Variants in GYS2 observed in about 807,000 individuals in gnomAD.
The protein encoded by GYS2 is glycogen [starch] synthase, liver.
Under a neutral mutation model 85.6 loss-of-function variants are expected in GYS2, and 80 were observed. The ratio of observed to expected loss-of-function variants is 0.93; its 90% CI spans 0.78 to 1.13. The LOEUF (loss-of-function observed/expected upper bound fraction) is 1.13, where lower values mean the gene tolerates loss of function less well. GYS2 is among the 50% of genes most tolerant of loss of function. The pLI is 0.00. For synonymous variants in GYS2, 328 were observed against 300.7 expected (o/e 1.09, Z -0.94); for missense variants, 881 against 854.9 (o/e 1.03, Z -0.38).
chr12:21,560,327 A>T, intron 8 of GYS2, 59 bp downstream of exon 8: 1 of 924,510 alleles, frequency 1.1e-6, no homozygotes. Context: ...GATGTCATTC[A>T]CTTAAAAGAA....
At chr12:21,583,315 A>G (rs564557683) in intron 1 of GYS2, among the ~76,000 whole-genome samples, 12 of 152,284 alleles carry the variant, frequency 7.9e-5, no homozygotes, top group Non-Finnish European at 1.3e-4. Context: ...GTGAAGGATA[A>G]TTTGCTGCAT....
At chr12:21,542,348 C>A (rs1943987715) in intron 13 of GYS2, 148 bp downstream of exon 13, 2 of 663,390 alleles carry the variant, frequency 3.0e-6, no homozygotes, top group Admixed American at 2.1e-5. Context: ...CTGTGCCCAG[C>A]CTAAATTGAC....
At chr12:21,595,086 G>A (rs1218123299) in intron 1 of GYS2, among the ~76,000 whole-genome samples, 2 of 152,148 alleles carry the variant, frequency 1.3e-5, no homozygotes, top group Non-Finnish European at 2.9e-5. Context: ...TGCTGATATG[G>A]TTTGGATGTT....
At chr12:21,553,216 A>G (rs1246720167) in intron 11 of GYS2, among the ~76,000 whole-genome samples, 6 of 152,204 alleles carry the variant, frequency 3.9e-5, no homozygotes, top group Non-Finnish European at 7.3e-5. Flanking sequence ...CGCTTGGCCT[A>G]TGTCTAATTT....
intron 11 of GYS2, among the ~76,000 whole-genome samples, chr12:21,553,576 G>A (rs1399951027): frequency 6.6e-6 from 1 of 152,098 alleles, no homozygotes; most frequent in Non-Finnish European, 1.5e-5. Flanking sequence ...TTTTTGTTTG[G>A]GGAATCCCTA....
chr12:21,543,967 T>C (rs910286216), intron 12 of GYS2, among the ~76,000 whole-genome samples: 6 of 152,202 alleles, frequency 3.9e-5, no homozygotes, highest in African/African-American at 1.2e-4. Flanking sequence ...GTTTATTAAA[T>C]GGCCATCAAT....
intron 1 of GYS2, among the ~76,000 whole-genome samples, chr12:21,594,337 T>G (rs763785287): frequency 2.0e-5 from 3 of 152,142 alleles, no homozygotes; most frequent in Non-Finnish European, 2.9e-5. Flanking sequence ...GATGACATGA[T>G]TTTATACCTA....
intron 1 of GYS2, among the ~76,000 whole-genome samples, chr12:21,595,028 A>C (rs1045361338): frequency 7.9e-5 from 12 of 152,194 alleles, no homozygotes; most frequent in Non-Finnish European, 1.8e-4. Context: ...GGTGCTGAAA[A>C]AATTGGATAT....
intron 11 of GYS2, among the ~76,000 whole-genome samples, chr12:21,550,351 A>ACC (rs1491210657): frequency 4.8e-5 from 5 of 103,170 alleles, no homozygotes; most frequent in East Asian, 3.3e-4. Context: ...ACACACACAC[A>ACC]CCCCTGGTTT....
At chr12:21,535,431 T>C (rs1329852638), downstream of GYS2, among the ~76,000 whole-genome samples, 1 of 152,210 alleles carries the variant, frequency 6.6e-6, no homozygotes, top group Non-Finnish European at 1.5e-5. Context: ...GTACAGAGCA[T>C]TTCAAACTGC....
chr12:21,541,395 A>T (rs1943974974), intron 13 of GYS2, among the ~76,000 whole-genome samples: 1 of 151,538 alleles, frequency 6.6e-6, no homozygotes, highest in East Asian at 2.0e-4. Flanking sequence ...TATGCAAATT[A>T]TTCTGCCATC....
chr12:21,566,864 T>C (rs1944327120), intron 5 of GYS2, among the ~76,000 whole-genome samples: 1 of 152,158 alleles, frequency 6.6e-6, no homozygotes, highest in Non-Finnish European at 1.5e-5. Context: ...CACTACTCTG[T>C]AGCTATATTC....
rs1944420013 is a variant in GYS2 at position 21,574,298 on chromosome 12, A to G, written c.524T>C (p.Val175Ala). The G allele has an allele frequency of 2.5e-6, 4 of 1,613,954 alleles. No homozygotes were observed. The East Asian group carries it at 8.9e-5, about 36-fold the overall frequency. Residue 175 changes from valine to alanine, a missense_variant, in exon 4 of 16, where the codon GTC (valine) becomes GCC (alanine). Coordinates refer to ENST00000261195, the MANE Select transcript of GYS2 (RefSeq NM_021957.4). ...EVTDHADGKY[V>A]VAQFHEWQAG... ...CTGCCATTCATGGAATTGGGCAACG[A>G]CATATTTACCATCTGCATGATCTGT... is the stretch of plus-strand genomic sequence containing the variant.
intron 1 of GYS2, among the ~76,000 whole-genome samples, chr12:21,586,931 C>G (rs187782238): frequency 1.4e-3 from 220 of 152,118 alleles, no homozygotes; most frequent in African/African-American, 5.1e-3. Context: ...TAAATGTCTA[C>G]CAATGGACGA....
intron 10 of GYS2, among the ~76,000 whole-genome samples, chr12:21,558,610 C>T (rs1199395094): frequency 6.6e-6 from 1 of 152,140 alleles, no homozygotes; most frequent in East Asian, 1.9e-4. Flanking sequence ...GTCCTGAAGT[C>T]TTGACTTAAG....
At position 21,559,120 on chromosome 12, in the gene GYS2, T is replaced by G. The variant is rs201855039; in HGVS notation, c.1279A>C (p.Ile427Leu). Residue 427 changes from isoleucine (I) to leucine (L), a missense_variant, in exon 10 of 16, where the codon ATT becomes CTT. Ile to Leu is a conservative substitution (Grantham distance 5). Transcript: ENST00000261195. ...NDILDRDDLT[I>L]MKRAIFSTQR... The stretch of plus-strand genomic sequence containing the variant: ...GTTGAAAAGATGGCTCTTTTCATAA[T>G]TGTTAGATCATCTCGATCTAAAATA... 5 of 1,608,948 alleles carry G rather than the reference T, an allele frequency of 3.1e-6. No homozygotes were observed. In the East Asian group the frequency reaches 9.0e-5, roughly 29 times the overall value.
chr12:21,542,497 G>T lies in GYS2; in HGVS notation c.1644C>A (p.Tyr548Ter). The change falls in exon 13 of 16, where the codon TAC becomes TAA. Residue 548 changes from tyrosine (Y) to a stop codon, truncating the protein, a stop_gained and splice_region_variant. Coordinates refer to ENST00000261195, the MANE Select transcript of GYS2 (RefSeq NM_021957.4). LOFTEE classifies it high-confidence loss of function. ...TGGGTTAATGATGAAAACCCTCACC[G>T]TAAGCAGTAGGATCAGCCACGTGCT... Reference protein sequence around the residue: ...MQEHVADPTAYGIYIVDRRFR... With the variant: ...MQEHVADPTA 1 of 1,602,148 alleles carries T rather than the reference G, an allele frequency of 6.2e-7. No homozygotes were observed. The highest frequency in any genetic ancestry group is 8.6e-7 in the Non-Finnish European group (1 of 1,169,032).
rs576537818 is a variant in GYS2 at position 21,536,755 on chromosome 12, C to T, written c.*199G>A. 54 of 596,140 alleles carry T rather than the reference C, an allele frequency of 9.1e-5. No homozygotes were observed. In the Middle Eastern group the frequency reaches 1.8e-3, roughly 20 times the overall value. 36.9% of individuals were successfully genotyped at this position (596,140 alleles called of 1,614,324 possible). ...CTCATGCCTAACTTTATGGGGGAAACAAGAGTTGGGGAAAATAACTTGGAT... is the reference window on the plus strand; with the variant it reads ...CTCATGCCTAACTTTATGGGGGAAATAAGAGTTGGGGAAAATAACTTGGAT... On this transcript the variant is annotated 3_prime_UTR_variant, in exon 16 of 16. Coordinates refer to ENST00000261195, the MANE Select transcript of GYS2 (RefSeq NM_021957.4).
chr12:21,542,734 C>G (rs903547775), intron 12 of GYS2, 143 bp from the exon 13 acceptor site: 1 of 694,064 alleles, frequency 1.4e-6, no homozygotes, highest in Non-Finnish European at 2.7e-6. Flanking sequence ...CTTTACATGT[C>G]TCACTAACTT....
Sources: allele counts gnomAD v4.1 joint callset (sites outside exome capture counted in the v4.1 genomes callset), GRCh38; gene constraint gnomAD v4.1.1; transcripts MANE v1.5; gene names NCBI Gene and HGNC (gene_info 2026-07-23, HGNC 2026-07-21).